Variants in PTPRT observed in about 807,000 individuals in gnomAD.
PTPRT encodes the protein protein tyrosine phosphatase receptor type T.
Under a neutral mutation model 176.8 loss-of-function variants are expected in PTPRT, and 56 were observed. That is an observed-to-expected ratio of 0.32 (90% CI 0.26 to 0.40). PTPRT has a LOEUF of 0.40. PTPRT is among the 10% of genes least tolerant of loss of function. PTPRT has a pLI of 1.00. For missense variants in PTPRT, 1,540 were observed against 1,908.2 expected, an observed-to-expected ratio of 0.81 and a Z score of 3.60; for synonymous variants, 783 against 739.0, an observed-to-expected ratio of 1.06 and a Z score of -0.96.
intron 15 of PTPRT, among the ~76,000 whole-genome samples, chr20:42,205,745 A>T (rs1229848929): frequency 6.6e-6 from 1 of 152,036 alleles, no homozygotes; most frequent in East Asian, 1.9e-4. Flanking sequence ...CCTCCATTGC[A>T]ATCTCCAGAT....
chr20:42,364,505 T>C (rs911451288), intron 9 of PTPRT, among the ~76,000 whole-genome samples: 4 of 152,202 alleles, frequency 2.6e-5, no homozygotes, highest in African/African-American at 9.7e-5. Context: ...TCCTTCTTAC[T>C]AGAAGAGATG....
chr20:42,997,060 C>T (rs2146120233), intron 1 of PTPRT, among the ~76,000 whole-genome samples: 1 of 152,268 alleles, frequency 6.6e-6, no homozygotes, highest in East Asian at 1.9e-4. Context: ...GGAGAATTGA[C>T]ATAGCCTTTC....
chr20:42,559,087 T>C (rs2072907756), intron 7 of PTPRT, among the ~76,000 whole-genome samples: 2 of 152,168 alleles, frequency 1.3e-5, no homozygotes, highest in Non-Finnish European at 2.9e-5. Context: ...AATAATATCC[T>C]TAGTGCTTAT....
chr20:42,608,238 C>T (rs1352894171), intron 7 of PTPRT, among the ~76,000 whole-genome samples: 1 of 152,160 alleles, frequency 6.6e-6, no homozygotes, highest in Non-Finnish European at 1.5e-5. Context: ...GCAGCCACAG[C>T]CCCTGCCCCA....
chr20:42,151,067 C>G (rs144957800), intron 17 of PTPRT, among the ~76,000 whole-genome samples: 39 of 152,120 alleles, frequency 2.6e-4, no homozygotes, highest in Middle Eastern at 3.4e-3. Flanking sequence ...TAATATTGAG[C>G]CTTTTTGGTC....
chr20:42,772,399 G>A (rs577610750), intron 4 of PTPRT, among the ~76,000 whole-genome samples: 7 of 152,284 alleles, frequency 4.6e-5, no homozygotes, highest in South Asian at 2.1e-4. Context: ...GAGGGGGAGC[G>A]TTGATTCTAG....
chr20:42,450,870 A>G lies in PTPRT; in HGVS notation c.1451-2541T>C, dbSNP rs895874223. ...ACATTAAGCGATTATACTCAAAACT[A>G]ATTCATTACATTTTTTTAATCAGGA... On this transcript the variant is annotated intron_variant, in intron 8 of 30. Coordinates refer to ENST00000373187, the MANE Select transcript of PTPRT (RefSeq NM_007050.6). Among the ~76,000 whole-genome samples, 9 of 152,322 alleles carry G rather than the reference A, an allele frequency of 5.9e-5. No individual in the cohort carries two copies. The East Asian group carries it at 1.3e-3, about 23-fold the overall frequency.
chr20:42,949,765 T>A (rs894560332), intron 1 of PTPRT, among the ~76,000 whole-genome samples: 1 of 152,242 alleles, frequency 6.6e-6, no homozygotes, highest in African/African-American at 2.4e-5. Flanking sequence ...CTATTTTTTA[T>A]GTTTGCCAAA....
intron 1 of PTPRT, among the ~76,000 whole-genome samples, chr20:43,087,727 C>G (rs2011656046): frequency 1.3e-5 from 2 of 152,014 alleles, no homozygotes; most frequent in South Asian, 2.1e-4. Flanking sequence ...AAAGGAGGGA[C>G]GAATCTTCAT....
intron 7 of PTPRT, among the ~76,000 whole-genome samples, chr20:42,597,942 C>T (rs1223589051): frequency 2.0e-5 from 3 of 151,874 alleles, no homozygotes; most frequent in Non-Finnish European, 4.4e-5. Flanking sequence ...CAATCTTTGC[C>T]ATAGTAATCT....
chr20:42,805,264 G>C (rs1323744421), intron 2 of PTPRT, among the ~76,000 whole-genome samples: 1 of 152,224 alleles, frequency 6.6e-6, no homozygotes, highest in Non-Finnish European at 1.5e-5. Context: ...GCATAGGTTA[G>C]TGCTTTCCAA....
rs114663861 is a variant in PTPRT at position 42,482,434 on chromosome 20, T to C, written c.1154-9872A>G. Among the ~76,000 whole-genome samples the C allele has an allele frequency of 2.1e-3, 316 of 152,304 alleles. 2 individuals carry two copies. The highest frequency in any genetic ancestry group is 0.01 in the Middle Eastern group (3 of 294). On this transcript the variant is annotated intron_variant, in intron 7 of 30. Transcript: ENST00000373187. Reference sequence around the variant, plus strand: ...TTGTAACAGTATGGTAAGAGTATTCTTTGCCAAAAGTAAAGCACTGGACAG... The same window carrying C: ...TTGTAACAGTATGGTAAGAGTATTCCTTGCCAAAAGTAAAGCACTGGACAG...
intron 7 of PTPRT, among the ~76,000 whole-genome samples, chr20:42,639,913 G>A (rs1416285428): frequency 6.6e-6 from 1 of 152,058 alleles, no homozygotes; most frequent in Non-Finnish European, 1.5e-5. Context: ...CGCCGCTTCT[G>A]CTTTACAAAA....
At chr20:42,458,112 C>G (rs925644174) in intron 8 of PTPRT, among the ~76,000 whole-genome samples, 14 of 152,202 alleles carry the variant, frequency 9.2e-5, no homozygotes, top group Non-Finnish European at 1.3e-4. Context: ...CTAGTCATCT[C>G]TTTCCCATTT....
rs918083616 is a variant in PTPRT, at chr20:42,074,171, G to A, written c.*6708C>T. 2 of 228,636 alleles carry A rather than the reference G, an allele frequency of 8.7e-6. No homozygotes were observed. Among genetic ancestry groups the A allele is most frequent in the African/African-American group, 4.4e-5 (2 of 45,080 alleles). 14.2% of individuals were successfully genotyped at this position (228,636 alleles called of 1,614,324 possible). A position where few individuals can be genotyped will look rare whatever the true frequency, so the allele number is the denominator to read the frequency against. ...CCTCTAAGCCTCCAGACTGCCCTGGGGCCTTTGACCCAAAGAACACCTGAC... is the reference window on the plus strand; with the variant it reads ...CCTCTAAGCCTCCAGACTGCCCTGGAGCCTTTGACCCAAAGAACACCTGAC... On this transcript the variant is annotated 3_prime_UTR_variant, in exon 31 of 31. Coordinates refer to ENST00000373187, the MANE Select transcript of PTPRT (RefSeq NM_007050.6).
chr20:42,200,787 T>A (rs1465257205), intron 15 of PTPRT, among the ~76,000 whole-genome samples: 1 of 152,170 alleles, frequency 6.6e-6, no homozygotes, highest in Non-Finnish European at 1.5e-5. Flanking sequence ...ACATCAGATA[T>A]CTTGAGAGTA....
At chr20:43,016,722 G>A (rs60058164) in intron 1 of PTPRT, among the ~76,000 whole-genome samples, 3 of 151,720 alleles carry the variant, frequency 2.0e-5, no homozygotes, top group Non-Finnish European at 4.4e-5. Flanking sequence ...ATTTTTAGTA[G>A]AGACAGGATT....
intron 7 of PTPRT, among the ~76,000 whole-genome samples, chr20:42,595,375 C>T (rs1028580615): frequency 1.3e-5 from 2 of 152,028 alleles, no homozygotes; most frequent in African/African-American, 4.8e-5. Flanking sequence ...CTGGCCTCTA[C>T]CCAGAAGATG....
At chr20:42,161,143 T>C (rs1989577119) in intron 17 of PTPRT, among the ~76,000 whole-genome samples, 1 of 152,158 alleles carries the variant, frequency 6.6e-6, no homozygotes, top group Non-Finnish European at 1.5e-5. Context: ...TTCTCAAATT[T>C]AATGTGTATA....
Sources: allele counts gnomAD v4.1 joint callset (sites outside exome capture counted in the v4.1 genomes callset), GRCh38; gene constraint gnomAD v4.1.1; transcripts MANE v1.5; gene names NCBI Gene and HGNC (gene_info 2026-07-23, HGNC 2026-07-21).